Variants in CADM2 observed in about 807,000 individuals in gnomAD.
CADM2 encodes cell adhesion molecule 2.
CADM2 carries 12 observed loss-of-function variants against 49.8 expected under a neutral mutation model. The observed-to-expected ratio is 0.24, with a 90% CI of 0.15 to 0.39. CADM2 has a LOEUF of 0.39. Ranked by LOEUF, CADM2 falls within the 10% of genes least tolerant of loss-of-function variation. The pLI, the probability that CADM2 is intolerant of heterozygous loss-of-function variation, is 1.00. For missense variants in CADM2, 378 were observed against 492.3 expected, an observed-to-expected ratio of 0.77 and a Z score of 2.20; for synonymous variants, 214 against 175.4, an observed-to-expected ratio of 1.22 and a Z score of -1.74.
intron 5 of CADM2, among the ~76,000 whole-genome samples, chr3:85,893,542 C>A (rs1577586478): frequency 6.6e-6 from 1 of 152,096 alleles, no homozygotes; most frequent in Non-Finnish European, 1.5e-5. Flanking sequence ...AAGAAACTAC[C>A]ATCAGAGTGA....
intron 2 of CADM2, among the ~76,000 whole-genome samples, chr3:85,770,113 G>A (rs1324396310): frequency 6.6e-6 from 1 of 152,084 alleles, no homozygotes; most frequent in Non-Finnish European, 1.5e-5. Flanking sequence ...CTGTGCTATG[G>A]TGGCAGTTGC....
intron 1 of CADM2, among the ~76,000 whole-genome samples, chr3:85,350,606 A>G (rs1032454504): frequency 2.6e-5 from 4 of 152,160 alleles, no homozygotes; most frequent in Admixed American, 2.6e-4. Flanking sequence ...AGTTCAGAAA[A>G]TACTGTGATC....
chr3:86,066,626 T>C, intron 9 of CADM2, 39 bp from the exon 10 acceptor site: 2 of 1,438,158 alleles, frequency 1.4e-6, no homozygotes, highest in Non-Finnish European at 9.8e-7. Flanking sequence ...ATTTTACCAG[T>C]CTCACAGAGC....
At chr3:85,689,932 A>C (rs568673946) in intron 1 of CADM2, among the ~76,000 whole-genome samples, 4 of 152,338 alleles carry the variant, frequency 2.6e-5, no homozygotes, top group African/African-American at 9.6e-5. Flanking sequence ...AGGAAAAAAC[A>C]GGGCAGTTTC....
At chr3:84,989,000 G>T (rs1000411099) in intron 1 of CADM2, among the ~76,000 whole-genome samples, 1 of 152,100 alleles carries the variant, frequency 6.6e-6, no homozygotes, top group East Asian at 1.9e-4. Context: ...GGAACAAGAG[G>T]CAAAGTAAAG....
chr3:85,189,322 G>GTT lies in CADM2; in HGVS notation c.61+229663_61+229664dup, dbSNP rs1332321329. ...TCCATTCCAGGAGTTGAAGTTGCAA[G>GTT]TTTTTTTTTTAAGTGACAAAGAGAA... is the stretch of plus-strand genomic sequence containing the variant. On this transcript the variant is annotated intron_variant, in intron 1 of 9. Coordinates refer to ENST00000383699, the MANE Select transcript of CADM2 (RefSeq NM_001167675.2). 8.1e-5 allele frequency among the ~76,000 whole-genome samples: 12 copies of GTT among 148,706 alleles called. No individual in the cohort carries two copies. The East Asian group carries it at 2.4e-3, about 29-fold the overall frequency.
At chr3:85,539,973 GTCTGAT>G (rs2061504884) in intron 1 of CADM2, among the ~76,000 whole-genome samples, 1 of 152,122 alleles carries the variant, frequency 6.6e-6, no homozygotes, top group Non-Finnish European at 1.5e-5. Flanking sequence ...GGATGATAAT[GTCTGAT>G]TCTTGGAATA....
At chr3:85,883,252 G>T (rs760246006) in intron 3 of CADM2, 39 bp from the exon 4 acceptor site, 1 of 1,559,638 alleles carries the variant, frequency 6.4e-7, no homozygotes, top group East Asian at 2.3e-5. Flanking sequence ...GACTGTTTCT[G>T]ATGTCCTTAT....
At chr3:85,159,236 C>T (rs2040239680) in intron 1 of CADM2, among the ~76,000 whole-genome samples, 2 of 152,122 alleles carry the variant, frequency 1.3e-5, no homozygotes, top group Non-Finnish European at 2.9e-5. Context: ...CTGTTATGCC[C>T]ACTGAGCAGT....
At position 86,060,468 on chromosome 3, in the gene CADM2, C is replaced by T. The variant is rs934204459; in HGVS notation, c.971-5137C>T. 2.2e-4 allele frequency among the ~76,000 whole-genome samples: 34 copies of T among 152,192 alleles called. 1 individual carries two copies. Among genetic ancestry groups the T allele is most frequent in the African/African-American group, 7.7e-4 (32 of 41,546 alleles). On this transcript the variant is annotated intron_variant, in intron 8 of 9. Transcript: ENST00000383699. ...ATTAAGAATGAGCAAGAAATACCAT[C>T]AGCATCAGAACAGAGAGTCTTTGTT... is the stretch of plus-strand genomic sequence containing the variant.
rs192995787 is a variant in CADM2, at chr3:85,158,026, C to T, written c.61+198358C>T. Reference sequence around the variant, plus strand: ...ACAAACAATCCCATCAAAAAGTCGGCGAAGGACATGAACAGACACTTCTCA... The same window carrying T: ...ACAAACAATCCCATCAAAAAGTCGGTGAAGGACATGAACAGACACTTCTCA... On this transcript the variant is annotated intron_variant, in intron 1 of 9. Transcript: ENST00000383699. 4.1e-3 allele frequency among the ~76,000 whole-genome samples: 618 copies of T among 152,170 alleles called. 3 individuals carry two copies. Among genetic ancestry groups the T allele is most frequent in the Admixed American group, 0.023 (356 of 15,272 alleles).
At chr3:85,822,029 T>C (rs2073610033) in intron 3 of CADM2, among the ~76,000 whole-genome samples, 1 of 152,194 alleles carries the variant, frequency 6.6e-6, no homozygotes, top group Non-Finnish European at 1.5e-5. Context: ...AATGTCTATA[T>C]GCATATTTAG....
At chr3:85,804,291 G>T (rs2072260459) in intron 3 of CADM2, among the ~76,000 whole-genome samples, 1 of 152,018 alleles carries the variant, frequency 6.6e-6, no homozygotes, top group African/African-American at 2.4e-5. Context: ...TAGTTAATTT[G>T]TCAACTTGGT....
intron 3 of CADM2, among the ~76,000 whole-genome samples, chr3:85,846,772 G>A (rs558710460): frequency 1.4e-4 from 22 of 152,230 alleles, no homozygotes; most frequent in African/African-American, 5.3e-4. Flanking sequence ...TGAGGCAGGA[G>A]GATTGTTTGA....
At chr3:85,477,980 G>C (rs1253608085) in intron 1 of CADM2, among the ~76,000 whole-genome samples, 2 of 151,834 alleles carry the variant, frequency 1.3e-5, no homozygotes, top group Non-Finnish European at 1.5e-5. Flanking sequence ...TGAAATAAGA[G>C]TTTTTAAAAA....
At chr3:85,495,142 T>A (rs1295146117) in intron 1 of CADM2, among the ~76,000 whole-genome samples, 1 of 152,176 alleles carries the variant, frequency 6.6e-6, no homozygotes, top group Non-Finnish European at 1.5e-5. Context: ...TTTTTAATTA[T>A]AATTCCAACA....
chr3:85,621,167 A>T (rs2063964797), intron 1 of CADM2, among the ~76,000 whole-genome samples: 1 of 152,138 alleles, frequency 6.6e-6, no homozygotes, highest in African/African-American at 2.4e-5. Context: ...TTACACTGTA[A>T]TGAAACTGAA....
chr3:85,639,694 T>C (rs1052624065), intron 1 of CADM2, among the ~76,000 whole-genome samples: 6 of 152,204 alleles, frequency 3.9e-5, no homozygotes, highest in Non-Finnish European at 7.3e-5. Context: ...GTTTGTATGA[T>C]GTATTTGGAG....
intron 1 of CADM2, among the ~76,000 whole-genome samples, chr3:85,351,612 C>T (rs1294109687): frequency 6.6e-6 from 1 of 152,022 alleles, no homozygotes; most frequent in Non-Finnish European, 1.5e-5. Context: ...GAGTGTGCCT[C>T]CCAAATATGT....
Sources: allele counts gnomAD v4.1 joint callset (sites outside exome capture counted in the v4.1 genomes callset), GRCh38; gene constraint gnomAD v4.1.1; transcripts MANE v1.5; gene names NCBI Gene and HGNC (gene_info 2026-07-23, HGNC 2026-07-21).